The following MAML2 variants were observed in gnomAD, a reference collection of about 807,000 sequenced individuals.
The protein encoded by MAML2 is mastermind like transcriptional coactivator 2.
In MAML2, 22 loss-of-function variants were observed where a neutral mutation model predicts 96.1. That is an observed-to-expected ratio of 0.23 (90% confidence interval 0.16 to 0.33). The LOEUF (loss-of-function observed/expected upper bound fraction) is 0.33, where lower values mean the gene tolerates loss of function less well. Among genes scored for constraint, MAML2 ranks in the 10% least tolerant of loss-of-function variants. The probability of loss-of-function intolerance (pLI) is 1.00; values close to 1 mark genes in which losing one functional copy is unlikely to be tolerated. For synonymous variants in MAML2, 561 were observed against 521.3 expected (o/e 1.08, Z -1.04); for missense variants, 1,367 against 1,392.4 (o/e 0.98, Z 0.29).
intron 2 of MAML2, among the ~76,000 whole-genome samples, chr11:96,031,914 A>T (rs1190148354): frequency 6.6e-6 from 1 of 152,110 alleles, no homozygotes; most frequent in African/African-American, 2.4e-5. Context: ...TGAACCCGGG[A>T]GGCAGAGCTT....
intron 1 of MAML2, among the ~76,000 whole-genome samples, chr11:96,102,746 A>G (rs937740056): frequency 6.6e-6 from 1 of 152,194 alleles, no homozygotes; most frequent in Non-Finnish European, 1.5e-5. Flanking sequence ...TAGTTACTGC[A>G]ATTGTTATAA....
chr11:96,218,314 G>A (rs1200502802), intron 1 of MAML2, among the ~76,000 whole-genome samples: 1 of 152,076 alleles, frequency 6.6e-6, no homozygotes, highest in Admixed American at 6.6e-5. Context: ...CAATCCTAAG[G>A]CACCATGCAT....
intron 2 of MAML2, among the ~76,000 whole-genome samples, chr11:96,025,330 T>C (rs766394672): frequency 6.6e-6 from 1 of 152,102 alleles, no homozygotes; most frequent in Non-Finnish European, 1.5e-5. Flanking sequence ...TTCTCACTTA[T>C]GAGTAGGAGC....
At chr11:96,294,776 C>A (rs891390217) in intron 1 of MAML2, among the ~76,000 whole-genome samples, 1 of 152,060 alleles carries the variant, frequency 6.6e-6, no homozygotes, top group Non-Finnish European at 1.5e-5. Flanking sequence ...ATAAAATAAG[C>A]ATGATTATTA....
chr11:95,993,031 G>T (rs536721626), intron 2 of MAML2, among the ~76,000 whole-genome samples: 1 of 151,936 alleles, frequency 6.6e-6, no homozygotes, highest in African/African-American at 2.4e-5. Flanking sequence ...ACAGGCGTGC[G>T]CCACCTGGCT....
intron 1 of MAML2, among the ~76,000 whole-genome samples, chr11:96,216,611 A>G (rs888652087): frequency 1.3e-5 from 2 of 152,188 alleles, no homozygotes; most frequent in African/African-American, 4.8e-5. Flanking sequence ...GATTACTTGT[A>G]ATAAAATGCT....
chr11:96,102,765 T>A (rs1182701936), intron 1 of MAML2, among the ~76,000 whole-genome samples: 2 of 152,174 alleles, frequency 1.3e-5, no homozygotes, highest in Non-Finnish European at 2.9e-5. Flanking sequence ...AAAGCAAGGA[T>A]CTGAGGGGAC....
chr11:96,192,109 G>T (rs945287450), intron 1 of MAML2, among the ~76,000 whole-genome samples: 10 of 152,196 alleles, frequency 6.6e-5, no homozygotes, highest in African/African-American at 2.2e-4. Context: ...TCTAAAGGAG[G>T]AAAGTAGAGG....
At chr11:95,997,776 A>G (rs1018498583) in intron 2 of MAML2, among the ~76,000 whole-genome samples, 2 of 152,126 alleles carry the variant, frequency 1.3e-5, no homozygotes, top group Non-Finnish European at 2.9e-5. Context: ...CCCACTGGTG[A>G]GCATCCTCTT....
chr11:96,321,917 T>C (rs910935108), intron 1 of MAML2, among the ~76,000 whole-genome samples: 1 of 152,216 alleles, frequency 6.6e-6, no homozygotes, highest in African/African-American at 2.4e-5. Context: ...TTTTGAGTTA[T>C]ATGAGTGGAA....
chr11:96,069,634 G>A (rs1859308472), intron 2 of MAML2, among the ~76,000 whole-genome samples: 1 of 152,230 alleles, frequency 6.6e-6, no homozygotes, highest in Admixed American at 6.5e-5. Flanking sequence ...TCGCCATAAT[G>A]CCAGTGCACT....
chr11:96,334,807 C>T (rs764404246), intron 1 of MAML2, among the ~76,000 whole-genome samples: 7 of 152,226 alleles, frequency 4.6e-5, no homozygotes, highest in Non-Finnish European at 7.3e-5. Flanking sequence ...CTTTGGAGAG[C>T]TGTAGCATGT....
chr11:96,056,833 G>A (rs1314008713), intron 2 of MAML2, among the ~76,000 whole-genome samples: 1 of 152,136 alleles, frequency 6.6e-6, no homozygotes, highest in African/African-American at 2.4e-5. Context: ...CGTGTGGGAG[G>A]CACAAATCTT....
chr11:96,060,870 T>G (rs1219320831), intron 2 of MAML2, among the ~76,000 whole-genome samples: 1 of 152,202 alleles, frequency 6.6e-6, no homozygotes, highest in Non-Finnish European at 1.5e-5. Flanking sequence ...ATAATATAAT[T>G]CTGTTTTTTT....
chr11:96,256,627 T>C (rs904412394), intron 1 of MAML2, among the ~76,000 whole-genome samples: 3 of 152,196 alleles, frequency 2.0e-5, no homozygotes, highest in African/African-American at 7.2e-5. Flanking sequence ...TGTCTTCCCA[T>C]GTTACATGGT....
intron 1 of MAML2, among the ~76,000 whole-genome samples, chr11:96,236,685 G>A (rs1447431631): frequency 6.6e-6 from 1 of 152,116 alleles, no homozygotes. Context: ...AAAACCCAAA[G>A]AGAATATATA....
At chr11:96,103,349 G>A (rs763122661) in intron 1 of MAML2, among the ~76,000 whole-genome samples, 3 of 152,040 alleles carry the variant, frequency 2.0e-5, no homozygotes, top group Non-Finnish European at 4.4e-5. Flanking sequence ...TCAGTTTATG[G>A]AGCATCTATG....
chr11:95,978,071 A>G lies in MAML2; in HGVS notation c.*877T>C, dbSNP rs1374150319. ...CTTGGGAACAAACCAGCAGGCATCAATCATAATAAGCAACATCCCAGGTTA... is the reference window on the plus strand; with the variant it reads ...CTTGGGAACAAACCAGCAGGCATCAGTCATAATAAGCAACATCCCAGGTTA... On this transcript the variant is annotated 3_prime_UTR_variant, in exon 5 of 5. Coordinates refer to ENST00000524717, the MANE Select transcript of MAML2 (RefSeq NM_032427.4). 9.2e-6 allele frequency: 2 copies of G among 218,254 alleles called. No individual in the cohort carries two copies. The highest frequency in any genetic ancestry group is 2.2e-5 in the African/African-American group (1 of 44,532). 13.5% of individuals were successfully genotyped at this position (218,254 alleles called of 1,614,324 possible).
intron 2 of MAML2, among the ~76,000 whole-genome samples, chr11:96,013,607 C>T (rs1030584255): frequency 3.3e-5 from 5 of 152,196 alleles, no homozygotes; most frequent in African/African-American, 1.2e-4. Flanking sequence ...TATAAAAACC[C>T]CAGACCCTAG....
Sources: allele counts gnomAD v4.1 joint callset (sites outside exome capture counted in the v4.1 genomes callset), GRCh38; gene constraint gnomAD v4.1.1; transcripts MANE v1.5; gene names NCBI Gene and HGNC (gene_info 2026-07-23, HGNC 2026-07-21).